The following RUNDC3B variants were observed in gnomAD, a reference collection of about 807,000 sequenced individuals.
RUNDC3B encodes RUN domain containing 3B.
RUNDC3B carries 33 observed loss-of-function variants against 58.4 expected under a neutral mutation model. That is an observed-to-expected ratio of 0.56 (90% CI 0.43 to 0.75). RUNDC3B has a LOEUF of 0.75. Ranked by LOEUF, RUNDC3B falls within the 30% of genes least tolerant of loss-of-function variation. RUNDC3B has a pLI of 0.00. For synonymous variants in RUNDC3B, 193 were observed against 195.2 expected, an observed-to-expected ratio of 0.99 and a Z score of 0.10; for missense variants, 501 against 535.7, an observed-to-expected ratio of 0.94 and a Z score of 0.64.
chr7:87,729,903 G>A (rs915263438), intron 4 of RUNDC3B, among the ~76,000 whole-genome samples: 4 of 152,172 alleles, frequency 2.6e-5, no homozygotes, highest in African/African-American at 9.6e-5. Flanking sequence ...CGGAAGAATA[G>A]GGTATCAGGA....
At chr7:87,798,224 A>T (rs1835915940) in intron 8 of RUNDC3B, among the ~76,000 whole-genome samples, 1 of 152,194 alleles carries the variant, frequency 6.6e-6, no homozygotes, top group African/African-American at 2.4e-5. Flanking sequence ...TTTTCTATAT[A>T]GGAATTTAAC....
chr7:87,719,765 A>G (rs1386463177), intron 4 of RUNDC3B, among the ~76,000 whole-genome samples: 1 of 151,830 alleles, frequency 6.6e-6, no homozygotes, highest in African/African-American at 2.4e-5. Context: ...CAATCAATCA[A>G]TCAGTTTGCC....
intron 4 of RUNDC3B, among the ~76,000 whole-genome samples, chr7:87,729,514 G>T (rs1831453317): frequency 6.6e-6 from 1 of 152,210 alleles, no homozygotes; most frequent in Non-Finnish European, 1.5e-5. Context: ...AACTCAGCCA[G>T]TGCCTACAGA....
chr7:87,649,882 A>G (rs1212915975), intron 1 of RUNDC3B, among the ~76,000 whole-genome samples: 3 of 152,160 alleles, frequency 2.0e-5, no homozygotes, highest in Non-Finnish European at 4.4e-5. Flanking sequence ...TCCCCTACAC[A>G]TGCTCTCTTG....
chr7:87,628,601 GT>G lies in RUNDC3B; in HGVS notation c.-222del. ...CGTGCGTGCGTGTGTGTGTGTGTGT[GT>G]GTGTGTGTGTGTGTGTGTGTGTGGA... On this transcript the variant is annotated 5_prime_UTR_variant, in exon 1 of 11. Coordinates refer to ENST00000394654, the MANE Select transcript of RUNDC3B (RefSeq NM_001134405.2). 2 of 357,818 alleles carry G rather than the reference GT, an allele frequency of 5.6e-6. No individual in the cohort carries two copies. Among genetic ancestry groups the G allele is most frequent in the Non-Finnish European group, 1.0e-5 (2 of 200,326 alleles). The allele number at this position is 357,818 out of a possible 1,614,324, so 22.2% of individuals were successfully genotyped here.
At chr7:87,686,504 A>G (rs1039798785) in intron 2 of RUNDC3B, among the ~76,000 whole-genome samples, 1 of 152,158 alleles carries the variant, frequency 6.6e-6, no homozygotes, top group Non-Finnish European at 1.5e-5. Context: ...TTATGGACTG[A>G]CTGGTAGGCC....
intron 9 of RUNDC3B, among the ~76,000 whole-genome samples, chr7:87,812,703 C>T (rs1465513030): frequency 6.6e-6 from 1 of 152,142 alleles, no homozygotes; most frequent in African/African-American, 2.4e-5. Flanking sequence ...ATGACTCTTA[C>T]TGTCTTGGGT....
intron 6 of RUNDC3B, among the ~76,000 whole-genome samples, chr7:87,754,751 A>G (rs1038315543): frequency 6.6e-6 from 1 of 152,054 alleles, no homozygotes; most frequent in African/African-American, 2.4e-5. Context: ...GACAAAGGGG[A>G]TGTTACCATA....
intron 9 of RUNDC3B, among the ~76,000 whole-genome samples, chr7:87,815,904 T>A (rs1164632747): frequency 1.3e-5 from 2 of 152,050 alleles, no homozygotes; most frequent in Non-Finnish European, 2.9e-5. Context: ...GAAGATTATG[T>A]CTGACAAACT....
chr7:87,659,577 A>C (rs2130439226), intron 2 of RUNDC3B, among the ~76,000 whole-genome samples: 1 of 152,240 alleles, frequency 6.6e-6, no homozygotes, highest in African/African-American at 2.4e-5. Flanking sequence ...TTTCTCCACC[A>C]CCAAAGATAA....
chr7:87,710,191 GT>G (rs1583956039), intron 3 of RUNDC3B, among the ~76,000 whole-genome samples: 5 of 152,222 alleles, frequency 3.3e-5, no homozygotes, highest in Admixed American at 6.5e-5. Context: ...AGAGAACTCT[GT>G]TTTTCATGAT....
intron 1 of RUNDC3B, among the ~76,000 whole-genome samples, chr7:87,629,920 C>CAA (rs202130650): frequency 7.1e-5 from 8 of 112,776 alleles, no homozygotes; most frequent in East Asian, 2.6e-4. Context: ...GAGACTTCGT[C>CAA]AAAAAAAAAA....
At chr7:87,722,773 G>A (rs1420387796) in intron 4 of RUNDC3B, among the ~76,000 whole-genome samples, 3 of 152,190 alleles carry the variant, frequency 2.0e-5, no homozygotes, top group Non-Finnish European at 2.9e-5. Context: ...TGGGCAACAA[G>A]TAGGCACAAG....
Position 87,816,188 on chromosome 7 carries a change from C to A in RUNDC3B, c.1151C>A (p.Ser384Tyr). ...LDQLSAEVSL[S>Y]QTSLDPGQSQ... ...CAGTTATCAGCAGAAGTTAGCCTTTCTCAGACTTCACTAGATCCAGGCCAG... is the reference window on the plus strand; with the variant it reads ...CAGTTATCAGCAGAAGTTAGCCTTTATCAGACTTCACTAGATCCAGGCCAG... The change falls in exon 10 of 11, where the codon TCT (serine) becomes TAT (tyrosine). Residue 384 changes from serine (S) to tyrosine (Y), a missense_variant. Transcript: ENST00000394654. 1 of 1,609,394 alleles carries A rather than the reference C, an allele frequency of 6.2e-7. No individual in the cohort carries two copies. The highest frequency in any genetic ancestry group is 1.1e-5 in the South Asian group (1 of 90,892).
At chr7:87,814,135 T>C (rs895446332) in intron 9 of RUNDC3B, among the ~76,000 whole-genome samples, 1 of 150,856 alleles carries the variant, frequency 6.6e-6, no homozygotes, top group Admixed American at 6.6e-5. Flanking sequence ...AGTTTCACTC[T>C]TGTTGCTCAG....
rs186671602 is a variant in RUNDC3B at position 87,788,948 on chromosome 7, A to G, written c.956+10993A>G. Among the ~76,000 whole-genome samples the G allele has an allele frequency of 3.3e-5, 5 of 152,316 alleles. No homozygotes were observed. In the East Asian group the frequency reaches 9.6e-4, roughly 29 times the overall value. On this transcript the variant is annotated intron_variant, in intron 8 of 10. Transcript: ENST00000394654. ...GTAGTTGAGAATATCGACAATAATA[A>G]GGCATGTTCTCTTTTTACATGGGAT...
Position 87,727,559 on chromosome 7 carries a change from C to T in RUNDC3B, c.459-12232C>T, listed in dbSNP as rs553015502. Among the ~76,000 whole-genome samples the T allele has an allele frequency of 3.3e-5, 5 of 151,830 alleles. No homozygotes were observed. In the South Asian group the frequency reaches 1.0e-3, roughly 32 times the overall value. On this transcript the variant is annotated intron_variant, in intron 4 of 10. Transcript: ENST00000394654. ...TTTTATGAGTAGGCAAATTAAATAC[C>T]TGATTGCATGCATCTGTCATTAGCT...
At chr7:87,812,375 A>G (rs1482958763) in intron 9 of RUNDC3B, among the ~76,000 whole-genome samples, 1 of 152,144 alleles carries the variant, frequency 6.6e-6, no homozygotes, top group Non-Finnish European at 1.5e-5. Flanking sequence ...TTGGGAGGCC[A>G]CAGCGGGCGG....
chr7:87,677,683 C>CA (rs1164822936), intron 2 of RUNDC3B, among the ~76,000 whole-genome samples: 6 of 152,160 alleles, frequency 3.9e-5, no homozygotes, highest in South Asian at 2.1e-4. Context: ...CAGAACAAAA[C>CA]AAAAAACCCA....
Sources: allele counts gnomAD v4.1 joint callset (sites outside exome capture counted in the v4.1 genomes callset), GRCh38; gene constraint gnomAD v4.1.1; transcripts MANE v1.5; gene names NCBI Gene and HGNC (gene_info 2026-07-23, HGNC 2026-07-21).